Variants in UBR3 observed in about 807,000 individuals in gnomAD.
The protein encoded by UBR3 is E3 ubiquitin-protein ligase UBR3.
UBR3 carries 85 observed loss-of-function variants against 243.2 expected under a neutral mutation model. The ratio of observed to expected loss-of-function variants is 0.35; its 90% CI spans 0.29 to 0.42. The LOEUF (loss-of-function observed/expected upper bound fraction) is 0.42, where lower values mean the gene tolerates loss of function less well. UBR3 is among the 10% of genes least tolerant of loss of function. The pLI, the probability that UBR3 is intolerant of heterozygous loss-of-function variation, is 1.00. For synonymous variants in UBR3, 748 were observed against 799.8 expected, an observed-to-expected ratio of 0.94 and a Z score of 1.09; for missense variants, 1,686 against 2,300.8, an observed-to-expected ratio of 0.73 and a Z score of 5.47.
chr2:169,830,295 C>T (rs1222979087), intron 1 of UBR3, among the ~76,000 whole-genome samples: 1 of 152,066 alleles, frequency 6.6e-6, no homozygotes, highest in East Asian at 1.9e-4. Flanking sequence ...TCCAAATTGC[C>T]CTCCCTAAGG....
intron 19 of UBR3, among the ~76,000 whole-genome samples, chr2:169,939,263 T>C (rs186242759): frequency 2.7e-3 from 344 of 126,804 alleles, no homozygotes; most frequent in African/African-American, 0.011. Flanking sequence ...ACTTATTAAC[T>C]TTTTTTTTTT....
At chr2:170,072,166 C>A (rs999474448) in intron 35 of UBR3, among the ~76,000 whole-genome samples, 15 of 152,102 alleles carry the variant, frequency 9.9e-5, no homozygotes, top group African/African-American at 3.6e-4. Flanking sequence ...AGACTTGGAA[C>A]CAACCCAAAT....
intron 33 of UBR3, among the ~76,000 whole-genome samples, chr2:170,060,291 C>T (rs1415647487): frequency 6.6e-6 from 1 of 151,918 alleles, no homozygotes; most frequent in Non-Finnish European, 1.5e-5. Context: ...ATCTTATTGA[C>T]ATAAATTTGA....
intron 5 of UBR3, among the ~76,000 whole-genome samples, chr2:169,885,308 G>A (rs1218904121): frequency 6.6e-6 from 1 of 152,130 alleles, no homozygotes; most frequent in Non-Finnish European, 1.5e-5. Flanking sequence ...TTGGCTGGGC[G>A]CAGTAGCTCA....
At chr2:169,985,871 A>T (rs903127867) in intron 24 of UBR3, among the ~76,000 whole-genome samples, 3 of 152,088 alleles carry the variant, frequency 2.0e-5, no homozygotes, top group Non-Finnish European at 2.9e-5. Flanking sequence ...ATTTACTTAG[A>T]TGTGCCTCCA....
intron 29 of UBR3, among the ~76,000 whole-genome samples, chr2:170,011,197 A>T (rs1247501261): frequency 6.6e-6 from 1 of 152,022 alleles, no homozygotes; most frequent in Non-Finnish European, 1.5e-5. Context: ...AAGATAAACA[A>T]ATTGACTCAG....
At chr2:170,080,060 A>T in intron 37 of UBR3, 37 bp downstream of exon 37, 1 of 1,569,100 alleles carries the variant, frequency 6.4e-7, no homozygotes, top group Non-Finnish European at 8.7e-7. Context: ...TTATGAAAAC[A>T]CAGATCTCAT....
At chr2:169,862,152 T>G (rs2083114359) in intron 1 of UBR3, among the ~76,000 whole-genome samples, 1 of 152,104 alleles carries the variant, frequency 6.6e-6, no homozygotes, top group Non-Finnish European at 1.5e-5. Flanking sequence ...CTATTTTTAC[T>G]TTCAAGTTTT....
intron 8 of UBR3, among the ~76,000 whole-genome samples, chr2:169,899,771 A>G (rs1330643434): frequency 6.6e-6 from 1 of 151,736 alleles, no homozygotes; most frequent in African/African-American, 2.4e-5. Flanking sequence ...TGTCCTTGTG[A>G]TAGTTTGCTG....
intron 1 of UBR3, among the ~76,000 whole-genome samples, chr2:169,851,593 C>T (rs971228503): frequency 3.3e-5 from 5 of 152,086 alleles, no homozygotes; most frequent in Admixed American, 1.3e-4. Context: ...TGGCCAGGCA[C>T]GGTGGCTCAT....
At chr2:169,973,892 G>C (rs906623508) in intron 24 of UBR3, among the ~76,000 whole-genome samples, 1 of 151,888 alleles carries the variant, frequency 6.6e-6, no homozygotes, top group Non-Finnish European at 1.5e-5. Flanking sequence ...GTTTGTTGAG[G>C]GTTATCATGA....
chr2:169,948,911 A>T (rs1209101273), intron 22 of UBR3, among the ~76,000 whole-genome samples: 2 of 147,864 alleles, frequency 1.4e-5, no homozygotes, highest in South Asian at 4.2e-4. Context: ...TACTTAGTTT[A>T]AAAAAAAAAC....
intron 25 of UBR3, among the ~76,000 whole-genome samples, chr2:169,987,205 C>A (rs2089046464): frequency 6.6e-6 from 1 of 151,836 alleles, no homozygotes; most frequent in South Asian, 2.1e-4. Context: ...CCTACATGGC[C>A]AACATGGTGA....
chr2:170,029,712 G>C (rs953841944), intron 31 of UBR3, among the ~76,000 whole-genome samples: 1 of 152,102 alleles, frequency 6.6e-6, no homozygotes, highest in Middle Eastern at 3.4e-3. Flanking sequence ...GGCATGTAAT[G>C]GCTGGTTGTC....
At chr2:169,900,013 G>T (rs1330904048) in intron 8 of UBR3, among the ~76,000 whole-genome samples, 1 of 152,180 alleles carries the variant, frequency 6.6e-6, no homozygotes, top group African/African-American at 2.4e-5. Context: ...TATATACCCA[G>T]TAAAGGGATT....
intron 24 of UBR3, among the ~76,000 whole-genome samples, chr2:169,959,851 T>C (rs2087482665): frequency 1.3e-5 from 2 of 152,168 alleles, no homozygotes. Context: ...GTTTTCCAAC[T>C]GGTTGGCATA....
At chr2:169,926,649 A>C in intron 14 of UBR3, 43 bp from the exon 15 acceptor site, 1 of 1,492,076 alleles carries the variant, frequency 6.7e-7, no homozygotes, top group Non-Finnish European at 9.0e-7. Flanking sequence ...AGAAGAAGGA[A>C]AACTGAATAT....
chr2:170,075,928 A>C (rs2091798763), intron 36 of UBR3, among the ~76,000 whole-genome samples: 4 of 145,846 alleles, frequency 2.7e-5, no homozygotes, highest in South Asian at 4.4e-4. Flanking sequence ...AAAAAAAAAA[A>C]CAGGATTCAT....
intron 25 of UBR3, among the ~76,000 whole-genome samples, chr2:169,987,563 A>T (rs916696093): frequency 6.6e-6 from 1 of 151,336 alleles, no homozygotes; most frequent in Non-Finnish European, 1.5e-5. Context: ...CTATAGTTTT[A>T]AACTATATAA....
Sources: gnomAD v4.1 joint callset for allele counts (sites outside exome capture counted in the v4.1 genomes callset) on GRCh38, gnomAD v4.1.1 for gene constraint, MANE v1.5 for transcripts, NCBI Gene and HGNC (gene_info 2026-07-23, HGNC 2026-07-21) for gene names.